The following PPP3CB variants were observed in gnomAD, a reference collection of about 807,000 sequenced individuals.
PPP3CB encodes protein phosphatase 3 catalytic subunit beta, also known as serine/threonine-protein phosphatase 2B catalytic subunit beta isoform.
Under a neutral mutation model 66.4 loss-of-function variants are expected in PPP3CB, and 8 were observed. That is an observed-to-expected ratio of 0.12 (90% confidence interval 0.07 to 0.22). The LOEUF is 0.22. Among genes scored for constraint, PPP3CB ranks in the 10% least tolerant of loss-of-function variants. The pLI is 1.00. For missense variants in PPP3CB, 319 were observed against 642.5 expected (o/e 0.50, Z 5.44); for synonymous variants, 208 against 221.2 (o/e 0.94, Z 0.53).
intron 12 of PPP3CB, among the ~76,000 whole-genome samples, chr10:73,441,461 G>A (rs1222884584): frequency 6.6e-6 from 1 of 152,062 alleles, no homozygotes; most frequent in Non-Finnish European, 1.5e-5. Flanking sequence ...AAAATTAGCC[G>A]GGCATGGTGG....
At chr10:73,448,647 C>A (rs774433531) in intron 10 of PPP3CB, 2 of 533,290 alleles carry the variant, frequency 3.8e-6, no homozygotes, top group Non-Finnish European at 7.7e-6. Flanking sequence ...AACAATGTTA[C>A]TCTGTCTGGT....
At chr10:73,469,038 TA>T (rs1476825596) in intron 8 of PPP3CB, among the ~76,000 whole-genome samples, 2 of 152,306 alleles carry the variant, frequency 1.3e-5, no homozygotes, top group Admixed American at 6.5e-5. Context: ...TGATTTTTGA[TA>T]AGACAGTCAA....
At chr10:73,482,436 G>A (rs1395312110) in intron 1 of PPP3CB, among the ~76,000 whole-genome samples, 2 of 150,290 alleles carry the variant, frequency 1.3e-5, no homozygotes, top group African/African-American at 2.4e-5. Context: ...CTAGCTACTC[G>A]GGAGGCTGAG....
intron 7 of PPP3CB, 23 bp downstream of exon 7, chr10:73,470,864 G>A (rs543409594): frequency 4.4e-6 from 7 of 1,602,242 alleles, no homozygotes; most frequent in Non-Finnish European, 6.0e-6. Flanking sequence ...TGTTAATTTG[G>A]GTCAGGGAAA....
At chr10:73,468,021 A>G in intron 8 of PPP3CB, among the ~76,000 whole-genome samples, 1 of 152,188 alleles carries the variant, frequency 6.6e-6, no homozygotes, top group South Asian at 2.1e-4. Context: ...GAGGAAACAC[A>G]GAATGGCAAT....
At chr10:73,483,731 T>C (rs1261509262) in intron 1 of PPP3CB, among the ~76,000 whole-genome samples, 1 of 152,204 alleles carries the variant, frequency 6.6e-6, no homozygotes, top group Non-Finnish European at 1.5e-5. Context: ...TAGTGTTGTT[T>C]TGCAAGTGGA....
chr10:73,460,059 A>G (rs1328454560), intron 9 of PPP3CB, among the ~76,000 whole-genome samples: 1 of 152,196 alleles, frequency 6.6e-6, no homozygotes, highest in Non-Finnish European at 1.5e-5. Context: ...TTGCTGTGTT[A>G]TGGCTAGAAC....
intron 1 of PPP3CB, among the ~76,000 whole-genome samples, chr10:73,487,588 A>AC (rs1564570369): frequency 2.0e-5 from 3 of 148,940 alleles, no homozygotes; most frequent in African/African-American, 7.6e-5. Context: ...AAAAAAACAA[A>AC]CAGGAAAAAC....
intron 4 of PPP3CB, among the ~76,000 whole-genome samples, chr10:73,473,645 T>C (rs2056738721): frequency 6.7e-6 from 1 of 149,874 alleles, no homozygotes; most frequent in Non-Finnish European, 1.5e-5. Context: ...AGCGAGACTG[T>C]CTCAAAAAAA....
At position 73,471,617 on chromosome 10, in the gene PPP3CB, G is replaced by C. The variant is rs781741320; in HGVS notation, c.524-4C>G. 12 of 1,573,268 alleles carry C rather than the reference G, an allele frequency of 7.6e-6. No homozygotes were observed. Among genetic ancestry groups the C allele is most frequent in the Middle Eastern group, 1.9e-4 (1 of 5,348 alleles). On this transcript the variant is annotated splice_region_variant and splice_polypyrimidine_tract_variant and intron_variant, in intron 4 of 13. Coordinates refer to ENST00000360663, the MANE Select transcript of PPP3CB (RefSeq NM_021132.4). ...CTTTCCGAATACTTAATTTTACCTA[G>C]AAAAACAAAAAACTAATTGAAAATT...
intron 1 of PPP3CB, among the ~76,000 whole-genome samples, chr10:73,495,037 A>G (rs1231303637): frequency 6.6e-6 from 1 of 152,182 alleles, no homozygotes; most frequent in African/African-American, 2.4e-5. Flanking sequence ...GCCCTGGCTG[A>G]GAAACATTTA....
At chr10:73,487,946 A>T (rs2057012963) in intron 1 of PPP3CB, among the ~76,000 whole-genome samples, 1 of 151,800 alleles carries the variant, frequency 6.6e-6, no homozygotes, top group Admixed American at 6.6e-5. Context: ...ACACCCGGCT[A>T]ATTAGTATAT....
At chr10:73,485,443 G>A (rs763436529) in intron 1 of PPP3CB, among the ~76,000 whole-genome samples, 1 of 152,120 alleles carries the variant, frequency 6.6e-6, no homozygotes, top group African/African-American at 2.4e-5. Flanking sequence ...TGCCCTCTTA[G>A]CCCTATGAGG....
chr10:73,448,711 A>G (rs890292798), intron 10 of PPP3CB: 2 of 533,400 alleles, frequency 3.7e-6, no homozygotes, highest in Non-Finnish European at 3.8e-6. Flanking sequence ...AGAGTCCAGA[A>G]AAAAGGAAGT....
intron 9 of PPP3CB, among the ~76,000 whole-genome samples, chr10:73,465,685 G>A (rs1330521689): frequency 1.3e-5 from 2 of 152,172 alleles, no homozygotes; most frequent in Admixed American, 6.5e-5. Flanking sequence ...TGCTTCTCAG[G>A]AACTAGACCC....
At position 73,448,580 on chromosome 10, in the gene PPP3CB, T is replaced by G. The variant is rs145913463; in HGVS notation, c.1187-2007A>C. 1.6e-3 allele frequency: 837 copies of G among 529,518 alleles called. 9 individuals are homozygous for G. The highest frequency in any genetic ancestry group is 0.014 in the African/African-American group (750 of 52,032). 32.8% of individuals were successfully genotyped at this position (529,518 alleles called of 1,614,324 possible). Reference sequence around the variant, plus strand: ...CAAGAGGACTCTGCATAGACATTACTCAATGAATGTGCTAACTTACATGGA... The same window carrying G: ...CAAGAGGACTCTGCATAGACATTACGCAATGAATGTGCTAACTTACATGGA... On this transcript the variant is annotated intron_variant, in intron 10 of 13. Coordinates refer to ENST00000360663, the MANE Select transcript of PPP3CB (RefSeq NM_021132.4).
intron 1 of PPP3CB, among the ~76,000 whole-genome samples, chr10:73,491,899 G>A (rs2057083852): frequency 1.3e-5 from 2 of 152,066 alleles, no homozygotes; most frequent in Admixed American, 6.6e-5. Flanking sequence ...CCCGGGAGGT[G>A]GAGGTTGCAG....
intron 11 of PPP3CB, among the ~76,000 whole-genome samples, 153 bp from the exon 12 acceptor site, chr10:73,444,975 T>G (rs111720477): frequency 2.6e-5 from 4 of 152,242 alleles, no homozygotes; most frequent in African/African-American, 9.6e-5. Flanking sequence ...AATTTTTCTA[T>G]ATTTTAAGTG....
At chr10:73,468,046 G>T (rs2056646734) in intron 8 of PPP3CB, among the ~76,000 whole-genome samples, 1 of 152,040 alleles carries the variant, frequency 6.6e-6, no homozygotes, top group South Asian at 2.1e-4. Context: ...AATTTTCTAG[G>T]TTTTTAAAGT....
Sources: allele counts gnomAD v4.1 joint callset (sites outside exome capture counted in the v4.1 genomes callset), GRCh38; gene constraint gnomAD v4.1.1; transcripts MANE v1.5; gene names NCBI Gene and HGNC (gene_info 2026-07-23, HGNC 2026-07-21).